SPSB4: variants seen among roughly 807,000 people sequenced by gnomAD.
SPSB4 encodes the protein SPRY domain-containing SOCS box protein 4.
Under a neutral mutation model 20.9 loss-of-function variants are expected in SPSB4, and 21 were observed. The ratio of observed to expected loss-of-function variants is 1.01; its 90% CI spans 0.71 to 1.45. SPSB4 has a LOEUF of 1.45. SPSB4 is among the 40% of genes most tolerant of loss of function. The pLI, the probability that SPSB4 is intolerant of heterozygous loss-of-function variation, is 0.00. For synonymous variants in SPSB4, 207 were observed against 183.8 expected, an observed-to-expected ratio of 1.13 and a Z score of -1.02; for missense variants, 399 against 399.2, an observed-to-expected ratio of 1.00 and a Z score of 0.00.
intron 2 of SPSB4, among the ~76,000 whole-genome samples, chr3:141,135,926 C>T (rs1199976741): frequency 6.6e-6 from 1 of 152,176 alleles, no homozygotes; most frequent in African/African-American, 2.4e-5. Flanking sequence ...ACACTGATTT[C>T]CACAATGGTT....
intron 2 of SPSB4, among the ~76,000 whole-genome samples, chr3:141,136,701 C>A (rs1268534376): frequency 2.6e-5 from 4 of 152,102 alleles, no homozygotes; most frequent in Non-Finnish European, 2.9e-5. Flanking sequence ...TGGTCTATAT[C>A]TCTGTTTTGG....
At chr3:141,109,827 C>T (rs895407929) in intron 2 of SPSB4, among the ~76,000 whole-genome samples, 4 of 152,286 alleles carry the variant, frequency 2.6e-5, no homozygotes, top group Admixed American at 2.6e-4. Context: ...CAGGGCAGGT[C>T]ACAGGCTGGG....
intron 2 of SPSB4, among the ~76,000 whole-genome samples, chr3:141,086,806 C>T (rs192609032): frequency 3.9e-4 from 60 of 152,314 alleles, no homozygotes; most frequent in African/African-American, 1.3e-3. Context: ...TATGTGTCAC[C>T]TCTTTTATCT....
intron 2 of SPSB4, among the ~76,000 whole-genome samples, chr3:141,127,100 C>T (rs1939061290): frequency 6.6e-6 from 1 of 152,254 alleles, no homozygotes; most frequent in African/African-American, 2.4e-5. Flanking sequence ...ACCTGAGTCT[C>T]CAGTGCCTGC....
chr3:141,097,802 T>C (rs1267662381), intron 2 of SPSB4, among the ~76,000 whole-genome samples: 1 of 152,146 alleles, frequency 6.6e-6, no homozygotes, highest in Non-Finnish European at 1.5e-5. Context: ...ATTGATAATA[T>C]TTAATAATAG....
chr3:141,112,594 G>A (rs904488362), intron 2 of SPSB4, among the ~76,000 whole-genome samples: 1 of 131,912 alleles, frequency 7.6e-6, no homozygotes, highest in Non-Finnish European at 1.5e-5. Flanking sequence ...GCAGTGAGCC[G>A]AGATCCCGCC....
chr3:141,057,683 G>A (rs1275962115), intron 1 of SPSB4, among the ~76,000 whole-genome samples: 6 of 152,180 alleles, frequency 3.9e-5, no homozygotes, highest in Admixed American at 6.5e-5. Context: ...CAAGGGCTCT[G>A]AGAGCACAGG....
chr3:141,147,614 C>G lies in SPSB4; in HGVS notation c.*345C>G, dbSNP rs1939436194. ...TCCTTATTCAAGAGAATGAATAAAA[C>G]ATTTAGGCAGGAGACTTTCTATTGT... On this transcript the variant is annotated 3_prime_UTR_variant, in exon 3 of 3. Transcript: ENST00000310546. 4.6e-6 allele frequency: 1 copy of G among 218,074 alleles called. No homozygotes were observed. The highest frequency in any genetic ancestry group is 5.1e-5 in the Admixed American group (1 of 19,708). 13.5% of individuals were successfully genotyped at this position (218,074 alleles called of 1,614,324 possible).
intron 2 of SPSB4, among the ~76,000 whole-genome samples, chr3:141,112,306 C>T (rs1301728191): frequency 6.6e-6 from 1 of 152,224 alleles, no homozygotes; most frequent in Non-Finnish European, 1.5e-5. Context: ...TTAATATTTT[C>T]TCACAGCAAG....
At chr3:141,108,335 T>G (rs965562177) in intron 2 of SPSB4, among the ~76,000 whole-genome samples, 42 of 152,212 alleles carry the variant, frequency 2.8e-4, no homozygotes, top group African/African-American at 9.9e-4. Context: ...CCCTTCACTG[T>G]GTGCTGCTGG....
chr3:141,115,686 T>G (rs140480934), intron 2 of SPSB4, among the ~76,000 whole-genome samples: 1 of 152,360 alleles, frequency 6.6e-6, no homozygotes, highest in African/African-American at 2.4e-5. Flanking sequence ...GGAAGTAAAG[T>G]AGCTGTTTTT....
intron 2 of SPSB4, among the ~76,000 whole-genome samples, chr3:141,140,602 AC>A (rs1348801335): frequency 3.3e-5 from 5 of 152,142 alleles, no homozygotes; most frequent in Admixed American, 1.3e-4. Flanking sequence ...TCCACTCCAG[AC>A]CCTGTTTGCC....
intron 2 of SPSB4, among the ~76,000 whole-genome samples, chr3:141,091,772 A>C (rs1049745348): frequency 1.3e-5 from 2 of 152,222 alleles, no homozygotes; most frequent in African/African-American, 4.8e-5. Context: ...GCCCAATGGC[A>C]CTGCCCACTA....
At chr3:141,118,917 G>A (rs1354604366) in intron 2 of SPSB4, among the ~76,000 whole-genome samples, 3 of 152,166 alleles carry the variant, frequency 2.0e-5, no homozygotes, top group Non-Finnish European at 4.4e-5. Flanking sequence ...TTGAAGTCAG[G>A]TAGCTTGATG....
rs759692019 is a variant in SPSB4, at chr3:141,066,542, C to T, written c.438C>T (p.Arg146=). The change falls in exon 2 of 3, where the codon CGC becomes CGT. Residue 146 remains arginine (R), a synonymous_variant. Coordinates refer to ENST00000310546, the MANE Select transcript of SPSB4 (RefSeq NM_080862.3). ...AGTCGTGGGGCTGGGACCTGGGCCG[C>T]AGCCGCCTCTACCACGACGGCAAGA... is the stretch of plus-strand genomic sequence containing the variant. ...DAESWGWDLG[R]SRLYHDGKNQ... 6.6e-7 allele frequency: 1 copy of T among 1,517,280 alleles called. No individual in the cohort carries two copies. Among genetic ancestry groups the T allele is most frequent in the South Asian group, 1.3e-5 (1 of 77,104 alleles). The allele number at this position is 1,517,280 out of a possible 1,614,324, so 94.0% of individuals were successfully genotyped here.
chr3:141,105,321 C>A (rs560069854), intron 2 of SPSB4, among the ~76,000 whole-genome samples: 10 of 152,264 alleles, frequency 6.6e-5, no homozygotes, highest in African/African-American at 2.4e-4. Context: ...TGCGCTGATT[C>A]CTGGCCTCCC....
intron 2 of SPSB4, among the ~76,000 whole-genome samples, chr3:141,141,020 C>T (rs1007928605): frequency 1.3e-5 from 2 of 152,228 alleles, no homozygotes; most frequent in Admixed American, 6.5e-5. Context: ...CTACTCAAGC[C>T]TGAGCAATGG....
At chr3:141,089,438 A>G (rs1464517113) in intron 2 of SPSB4, among the ~76,000 whole-genome samples, 6 of 152,184 alleles carry the variant, frequency 3.9e-5, no homozygotes, top group African/African-American at 1.2e-4. Context: ...CAGAGGAGGT[A>G]ACACTCTGAG....
intron 2 of SPSB4, among the ~76,000 whole-genome samples, chr3:141,095,478 C>T (rs1407682816): frequency 6.6e-6 from 1 of 152,124 alleles, no homozygotes. Flanking sequence ...TGAGACTTTG[C>T]TGGGACTTGG....
Sources: allele counts gnomAD v4.1 joint callset (sites outside exome capture counted in the v4.1 genomes callset), GRCh38; gene constraint gnomAD v4.1.1; transcripts MANE v1.5; gene names NCBI Gene and HGNC (gene_info 2026-07-23, HGNC 2026-07-21).